The following JADE1 variants were observed in gnomAD, a reference collection of about 807,000 sequenced individuals.
JADE1 encodes the protein jade family PHD finger 1.
Under a neutral mutation model 81.8 loss-of-function variants are expected in JADE1, and 14 were observed. The observed-to-expected ratio is 0.17, with a 90% CI of 0.11 to 0.27. The LOEUF (loss-of-function observed/expected upper bound fraction) is 0.27, where lower values mean the gene tolerates loss of function less well. JADE1 is among the 10% of genes least tolerant of loss of function. JADE1 has a pLI of 1.00. For missense variants in JADE1, 690 were observed against 1,047.9 expected (o/e 0.66, Z 4.71); for synonymous variants, 353 against 391.9 (o/e 0.90, Z 1.17).
At chr4:128,830,202 C>T (rs1203527871) in intron 1 of JADE1, among the ~76,000 whole-genome samples, 2 of 150,738 alleles carry the variant, frequency 1.3e-5, no homozygotes, top group Non-Finnish European at 3.0e-5. Context: ...TTTCTCCACA[C>T]CATTCCTATG....
chr4:128,859,311 T>C (rs572251368), intron 8 of JADE1, among the ~76,000 whole-genome samples: 2 of 152,068 alleles, frequency 1.3e-5, no homozygotes, highest in East Asian at 1.9e-4. Flanking sequence ...TGCATGTGTA[T>C]TTGGTTATGC....
chr4:128,815,482 A>G (rs1297438685), intron 1 of JADE1, among the ~76,000 whole-genome samples: 1 of 152,244 alleles, frequency 6.6e-6, no homozygotes, highest in East Asian at 1.9e-4. Context: ...TTAAAAAAGC[A>G]GGAAATCCAA....
At chr4:128,848,442 G>T (rs1415308917) in intron 4 of JADE1, among the ~76,000 whole-genome samples, 1 of 152,182 alleles carries the variant, frequency 6.6e-6, no homozygotes, top group East Asian at 1.9e-4. Flanking sequence ...GCCTCCCAAA[G>T]TGCTGGGATT....
Position 128,861,899 on chromosome 4 carries a change from C to A in JADE1, c.1177C>A (p.Pro393Thr). ...AQENGAPECS[P>T]RNPLEPFASL... ...GGAGAATGGGGCCCCTGAGTGTTCCCCCCGGAATCCGCTGGAGCCCTTTGC... is the reference window on the plus strand; with the variant it reads ...GGAGAATGGGGCCCCTGAGTGTTCCACCCGGAATCCGCTGGAGCCCTTTGC... Residue 393 changes from proline to threonine, a missense_variant, in exon 9 of 11, where the codon CCC becomes ACC. Physicochemically the swap from Pro to Thr is conservative, Grantham distance 38. This residue lies in a region of JADE1 where 77 missense variants were observed against 76.4 expected (regional missense o/e 1.01). Transcript: ENST00000226319. 1 of 1,614,066 alleles carries A rather than the reference C, an allele frequency of 6.2e-7. No homozygotes were observed. The highest frequency in any genetic ancestry group is 1.3e-5 in the African/African-American group (1 of 75,036).
chr4:128,837,132 G>A (rs1729049481), intron 2 of JADE1, among the ~76,000 whole-genome samples: 1 of 152,198 alleles, frequency 6.6e-6, no homozygotes, highest in Non-Finnish European at 1.5e-5. Context: ...AAGGTCTGGA[G>A]CCAGGCTCCA....
At chr4:128,868,022 G>A (rs750481405) in intron 10 of JADE1, 49 bp downstream of exon 10, 1 of 887,036 alleles carries the variant, frequency 1.1e-6, no homozygotes, top group South Asian at 1.6e-5. Flanking sequence ...GGGTTTGTAA[G>A]CTTTAACACT....
At chr4:128,819,788 G>A (rs768952348) in intron 1 of JADE1, among the ~76,000 whole-genome samples, 6 of 152,168 alleles carry the variant, frequency 3.9e-5, no homozygotes, top group Admixed American at 6.5e-5. Context: ...CTCTGATAAC[G>A]TATCATGGCC....
intron 1 of JADE1, among the ~76,000 whole-genome samples, chr4:128,817,334 G>C (rs879626118): frequency 6.6e-6 from 1 of 152,116 alleles, no homozygotes; most frequent in Non-Finnish European, 1.5e-5. Context: ...TGTGTGGCTG[G>C]TGGAAGTAAT....
chr4:128,837,373 G>A (rs1367427497), intron 2 of JADE1, among the ~76,000 whole-genome samples: 1 of 152,220 alleles, frequency 6.6e-6, no homozygotes, highest in Non-Finnish European at 1.5e-5. Flanking sequence ...GAAGGCCTAA[G>A]TGTATTTAAG....
chr4:128,820,499 A>C (rs1727466122), intron 1 of JADE1, among the ~76,000 whole-genome samples: 1 of 152,208 alleles, frequency 6.6e-6, no homozygotes, highest in African/African-American at 2.4e-5. Flanking sequence ...CTTCAGCCTC[A>C]GAGAGTGCTT....
At chr4:128,859,479 GCA>G (rs1398549559) in intron 8 of JADE1, among the ~76,000 whole-genome samples, 1 of 151,966 alleles carries the variant, frequency 6.6e-6, no homozygotes, top group African/African-American at 2.4e-5. Context: ...ACATGAGTAT[GCA>G]TGTGAGTATG....
Position 128,871,360 on chromosome 4 carries a change from C to T in JADE1, c.1627C>T (p.Pro543Ser). 6.2e-7 allele frequency: 1 copy of T among 1,612,194 alleles called. No homozygotes were observed. The highest frequency in any genetic ancestry group is 1.7e-4 in the Middle Eastern group (1 of 6,052). ...TTGTGGTTTTATGTTTATAGGTGTG[C>T]CTTCTTCCTGCTCCTCCTCCTCACT... is the stretch of plus-strand genomic sequence containing the variant. Reference protein sequence around the residue: ...LLEQERVSGVPSSCSSSSLEN... With the variant: ...LLEQERVSGVSSSCSSSSLEN... Residue 543 changes from proline to serine, a missense_variant, in exon 11 of 11, where the codon CCT becomes TCT. Transcript: ENST00000226319. The surrounding 1 kb of genome is among the most constrained non-coding windows in gnomAD (Gnocchi z 4.1).
intron 3 of JADE1, 105 bp downstream of exon 3, chr4:128,843,143 T>G: frequency 1.2e-6 from 1 of 859,302 alleles, no homozygotes; most frequent in Non-Finnish European, 1.8e-6. Flanking sequence ...TTCAAATCCT[T>G]GTGCTCCAGT....
At chr4:128,831,695 T>TA in intron 1 of JADE1, 38 bp from the exon 2 acceptor site, 2 of 1,568,650 alleles carry the variant, frequency 1.3e-6, no homozygotes, top group Middle Eastern at 3.4e-4. Flanking sequence ...GATTGTGTAT[T>TA]ATCATCTTGG....
At chr4:128,812,592 C>G (rs1242977232) in intron 1 of JADE1, among the ~76,000 whole-genome samples, 1 of 152,224 alleles carries the variant, frequency 6.6e-6, no homozygotes, top group African/African-American at 2.4e-5. Flanking sequence ...GCGCCAGGCT[C>G]CGCTGGCCCC....
chr4:128,858,346 G>A (rs1289530366), intron 8 of JADE1, among the ~76,000 whole-genome samples: 26 of 152,056 alleles, frequency 1.7e-4, no homozygotes, highest in Non-Finnish European at 1.5e-4. Flanking sequence ...TGGCTGATGG[G>A]GGCCCTTCAG....
chr4:128,848,160 A>G (rs1382029726), intron 4 of JADE1, among the ~76,000 whole-genome samples: 1 of 151,842 alleles, frequency 6.6e-6, no homozygotes, highest in East Asian at 1.9e-4. Context: ...ATTTTTTGGT[A>G]ATGGCCGGGG....
Position 128,846,287 on chromosome 4 carries a change from G to T in JADE1, c.139-88G>T. 1 of 1,311,030 alleles carries T rather than the reference G, an allele frequency of 7.6e-7. No homozygotes were observed. The highest frequency in any genetic ancestry group is 1.1e-6 in the Non-Finnish European group (1 of 924,058). 81.2% of individuals were successfully genotyped at this position (1,311,030 alleles called of 1,614,324 possible). A position where few individuals can be genotyped will look rare whatever the true frequency, so the allele number is the denominator to read the frequency against. On this transcript the variant is annotated intron_variant, in intron 3 of 10. Transcript: ENST00000226319. This position sits in a 1 kb window ranked among gnomAD's most constrained non-coding sequence, Gnocchi z 4.0. ...TGTTGATACAGTGACCTTGTTACAT[G>T]GCAGCTCCATGGTTACATTGCAGCT...
intron 1 of JADE1, among the ~76,000 whole-genome samples, chr4:128,812,348 C>T (rs932582159): frequency 8.6e-5 from 13 of 151,308 alleles, no homozygotes; most frequent in African/African-American, 3.2e-4. Context: ...CGGCGCCGCG[C>T]GGAACCGCGG....
Sources: gnomAD v4.1 joint callset for allele counts (sites outside exome capture counted in the v4.1 genomes callset) on GRCh38, gnomAD v4.1.1 for gene constraint, gnomAD v4.1.1 regional missense constraint, Gnocchi (gnomAD v3.1) non-coding constraint, MANE v1.5 for transcripts, NCBI Gene and HGNC (gene_info 2026-07-23, HGNC 2026-07-21) for gene names.